DLGAP2: variants seen among roughly 807,000 people sequenced by gnomAD.
The protein encoded by DLGAP2 is disks large-associated protein 2.
A neutral mutation model predicts 100.3 loss-of-function variants in DLGAP2; 26 were observed. That is an observed-to-expected ratio of 0.26 (90% CI 0.19 to 0.36). The LOEUF (loss-of-function observed/expected upper bound fraction) is 0.36, where lower values mean the gene tolerates loss of function less well. Among genes scored for constraint, DLGAP2 ranks in the 10% least tolerant of loss-of-function variants. DLGAP2 has a pLI of 1.00. For missense variants in DLGAP2, 1,858 were observed against 1,453.2 expected (o/e 1.28, Z -4.53); for synonymous variants, 886 against 630.1 (o/e 1.41, Z -6.08).
At chr8:928,898 G>A (rs1392282091) in intron 2 of DLGAP2, among the ~76,000 whole-genome samples, 2 of 151,814 alleles carry the variant, frequency 1.3e-5, no homozygotes, top group African/African-American at 4.8e-5. Flanking sequence ...GGGCAGGGTG[G>A]GCCGGACGGC....
intron 4 of DLGAP2, among the ~76,000 whole-genome samples, chr8:1,533,185 A>G (rs1241913879): frequency 1.3e-5 from 2 of 151,884 alleles, no homozygotes; most frequent in African/African-American, 4.8e-5. Flanking sequence ...GATGTTGCCT[A>G]TTTATCATTT....
chr8:833,522 G>T (rs1186032897), intron 1 of DLGAP2, among the ~76,000 whole-genome samples: 4 of 152,096 alleles, frequency 2.6e-5, no homozygotes, highest in Non-Finnish European at 2.9e-5. Context: ...GTGGGGTGGG[G>T]GTGTCTCTGA....
intron 2 of DLGAP2, among the ~76,000 whole-genome samples, chr8:1,071,339 A>C (rs1563176180): frequency 6.6e-6 from 1 of 152,168 alleles, no homozygotes; most frequent in Non-Finnish European, 1.5e-5. Flanking sequence ...GGCCGCCTCC[A>C]CGGTGCTTGA....
chr8:1,295,347 C>T (rs1037914816), intron 3 of DLGAP2, among the ~76,000 whole-genome samples: 4 of 152,236 alleles, frequency 2.6e-5, no homozygotes, highest in African/African-American at 4.8e-5. Context: ...TGACCGTGGG[C>T]CCGGAGTCCC....
chr8:1,605,326 G>A (rs1057104654), intron 6 of DLGAP2, among the ~76,000 whole-genome samples: 7 of 152,110 alleles, frequency 4.6e-5, no homozygotes, highest in South Asian at 4.1e-4. Flanking sequence ...TACTTGATTC[G>A]CACTTCCGTC....
intron 4 of DLGAP2, among the ~76,000 whole-genome samples, chr8:1,519,599 G>T (rs527948461): frequency 1.3e-5 from 2 of 152,200 alleles, no homozygotes; most frequent in Admixed American, 6.5e-5. Flanking sequence ...CCTGAGCCTG[G>T]CTCTCCCCAT....
At chr8:1,213,400 A>T (rs1317519847) in intron 2 of DLGAP2, among the ~76,000 whole-genome samples, 2 of 151,922 alleles carry the variant, frequency 1.3e-5, no homozygotes, top group Non-Finnish European at 2.9e-5. Context: ...TGTCTCTATT[A>T]ATTTATGGCA....
At chr8:1,184,077 G>T (rs1236806557) in intron 2 of DLGAP2, among the ~76,000 whole-genome samples, 1 of 152,218 alleles carries the variant, frequency 6.6e-6, no homozygotes, top group African/African-American at 2.4e-5. Context: ...GAAGCAGTGT[G>T]TTTGCGTTGT....
At chr8:872,808 G>T (rs181625396) in intron 1 of DLGAP2, among the ~76,000 whole-genome samples, 1 of 152,186 alleles carries the variant, frequency 6.6e-6, no homozygotes, top group African/African-American at 2.4e-5. Context: ...CACTATTTAG[G>T]CACCCTCTCT....
chr8:778,158 T>G (rs1025908648), intron 1 of DLGAP2, among the ~76,000 whole-genome samples: 6 of 152,192 alleles, frequency 3.9e-5, no homozygotes, highest in Non-Finnish European at 7.3e-5. Context: ...GGCTTCTGCA[T>G]TCTTCACGTA....
At chr8:1,049,271 C>T (rs542821765) in intron 2 of DLGAP2, among the ~76,000 whole-genome samples, 3 of 152,024 alleles carry the variant, frequency 2.0e-5, no homozygotes, top group Non-Finnish European at 2.9e-5. Context: ...AATAAAATGG[C>T]GAGTTTTATG....
chr8:837,581 G>A (rs1563056876), intron 1 of DLGAP2, among the ~76,000 whole-genome samples: 1 of 152,116 alleles, frequency 6.6e-6, no homozygotes, highest in South Asian at 2.1e-4. Flanking sequence ...CCGTGCTCAG[G>A]CCGCAGGCAG....
At chr8:1,467,740 G>A (rs1364213679) in intron 3 of DLGAP2, among the ~76,000 whole-genome samples, 1 of 152,168 alleles carries the variant, frequency 6.6e-6, no homozygotes, top group Non-Finnish European at 1.5e-5. Flanking sequence ...GCTCACTGCT[G>A]CCAGTAAGGG....
At chr8:1,582,417 G>A (rs957510793) in intron 6 of DLGAP2, among the ~76,000 whole-genome samples, 1 of 151,454 alleles carries the variant, frequency 6.6e-6, no homozygotes, top group Admixed American at 6.6e-5. Context: ...CCAGAACACC[G>A]TAAAGTGACA....
intron 3 of DLGAP2, among the ~76,000 whole-genome samples, chr8:1,468,068 CAG>C (rs1408870155): frequency 1.3e-5 from 2 of 152,220 alleles, no homozygotes; most frequent in African/African-American, 4.8e-5. Context: ...GACCCCTGTA[CAG>C]AGACACTTTC....
rs779605503 is a variant in DLGAP2 at position 1,549,407 on chromosome 8, C to G, written c.954C>G (p.His318Gln). The G allele has an allele frequency of 1.9e-6, 3 of 1,613,444 alleles. No individual in the cohort carries two copies. The highest frequency in any genetic ancestry group is 2.5e-6 in the Non-Finnish European group (3 of 1,179,784). Reference sequence around the variant, plus strand: ...GGACGCCCAGCGTGCTCAACCGGCACCACCTGGGCCCCGTGGCCCACTGCT... The same window carrying G: ...GGACGCCCAGCGTGCTCAACCGGCAGCACCTGGGCCCCGTGGCCCACTGCT... ...TYRTPSVLNRHHLGPVAHCYP... is the reference protein window; with the variant it reads ...TYRTPSVLNRQHLGPVAHCYP... Residue 318 changes from histidine to glutamine, a missense_variant, in exon 5 of 15, where the codon CAC becomes CAG. His to Gln is a conservative substitution (Grantham distance 24). Transcript: ENST00000637795.
rs13251477 is a variant in DLGAP2 at position 1,206,550 on chromosome 8, G to A, written c.74-52301G>A. Among the ~76,000 whole-genome samples, 412 of 48,942 alleles carry A rather than the reference G, an allele frequency of 8.4e-3. 11 individuals carry two copies. The highest frequency in any genetic ancestry group is 0.04 in the African/African-American group (259 of 6,488). 32.1% of individuals were successfully genotyped at this position (48,942 alleles called of 152,430 possible). On this transcript the variant is annotated intron_variant, in intron 2 of 14. Coordinates refer to ENST00000637795, the MANE Select transcript of DLGAP2 (RefSeq NM_001346810.2). ...CGTGGACTGGGGTAGACTGTGAGCG[G>A]TTAATCTCCAGCCATCCGTGGGCGG...
At chr8:996,589 A>G (rs1278876244) in intron 2 of DLGAP2, among the ~76,000 whole-genome samples, 1 of 152,194 alleles carries the variant, frequency 6.6e-6, no homozygotes, top group African/African-American at 2.4e-5. Context: ...CATGATGGAG[A>G]GACAAGTTTC....
chr8:968,441 C>A (rs1243080360), intron 2 of DLGAP2, among the ~76,000 whole-genome samples: 1 of 152,172 alleles, frequency 6.6e-6, no homozygotes, highest in Non-Finnish European at 1.5e-5. Context: ...GGGAGGAACT[C>A]CAGAGCCTGT....
Sources: gnomAD v4.1 joint callset for allele counts (sites outside exome capture counted in the v4.1 genomes callset) on GRCh38, gnomAD v4.1.1 for gene constraint, MANE v1.5 for transcripts, NCBI Gene and HGNC (gene_info 2026-07-23, HGNC 2026-07-21) for gene names.